NLK: variants seen among roughly 807,000 people sequenced by gnomAD.
NLK encodes the protein serine/threonine-protein kinase NLK.
A neutral mutation model predicts 59.0 loss-of-function variants in NLK; 11 were observed. The ratio of observed to expected loss-of-function variants is 0.19; its 90% CI spans 0.12 to 0.31. The LOEUF (loss-of-function observed/expected upper bound fraction) is 0.31, where lower values mean the gene tolerates loss of function less well. NLK is among the 10% of genes least tolerant of loss of function. The pLI is 1.00. For missense variants in NLK, 410 were observed against 661.1 expected, an observed-to-expected ratio of 0.62 and a Z score of 4.16; for synonymous variants, 235 against 235.9, an observed-to-expected ratio of 1.00 and a Z score of 0.03.
intron 1 of NLK, among the ~76,000 whole-genome samples, chr17:28,056,541 G>T (rs1909451964): frequency 1.3e-5 from 2 of 152,190 alleles, no homozygotes; most frequent in African/African-American, 4.8e-5. Context: ...CCAGGAACGT[G>T]CATCTGAGAA....
chr17:28,191,485 A>C (rs1909305477), intron 9 of NLK, among the ~76,000 whole-genome samples: 1 of 152,186 alleles, frequency 6.6e-6, no homozygotes, highest in Non-Finnish European at 1.5e-5. Flanking sequence ...ATATGTATTC[A>C]CTCAGTGTCA....
At chr17:28,083,234 T>C (rs905265549) in intron 1 of NLK, among the ~76,000 whole-genome samples, 2 of 152,212 alleles carry the variant, frequency 1.3e-5, no homozygotes, top group Non-Finnish European at 2.9e-5. Context: ...CTTTTGTATC[T>C]GTGACAGTGC....
chr17:28,111,247 C>T (rs538289451), intron 1 of NLK, among the ~76,000 whole-genome samples: 16 of 152,022 alleles, frequency 1.1e-4, no homozygotes, highest in African/African-American at 1.9e-4. Flanking sequence ...AGTGCAGTGG[C>T]GCAATCTCAG....
chr17:28,119,015 T>C (rs1905904345), intron 1 of NLK, among the ~76,000 whole-genome samples: 1 of 152,206 alleles, frequency 6.6e-6, no homozygotes, highest in African/African-American at 2.4e-5. Context: ...CTCCTTTTTT[T>C]CTGAAATGAA....
At chr17:28,117,615 T>C (rs1373920790) in intron 1 of NLK, among the ~76,000 whole-genome samples, 1 of 152,206 alleles carries the variant, frequency 6.6e-6, no homozygotes, top group Non-Finnish European at 1.5e-5. Context: ...TAGGAGGATA[T>C]GAAGAAAAGA....
At chr17:28,117,729 G>A (rs1221835082) in intron 1 of NLK, among the ~76,000 whole-genome samples, 1 of 152,098 alleles carries the variant, frequency 6.6e-6, no homozygotes, top group South Asian at 2.1e-4. Context: ...TGACAAAATG[G>A]AAAAGGATCT....
intron 7 of NLK, among the ~76,000 whole-genome samples, chr17:28,177,652 T>C (rs1347210694): frequency 6.6e-6 from 1 of 152,232 alleles, no homozygotes; most frequent in Non-Finnish European, 1.5e-5. Context: ...TCTATTACCA[T>C]AACAATCCTT....
At chr17:28,153,111 T>TA (rs1038687682) in intron 3 of NLK, among the ~76,000 whole-genome samples, 53 of 151,944 alleles carry the variant, frequency 3.5e-4, no homozygotes, top group Admixed American at 2.7e-3. Context: ...CTATCTCTAC[T>TA]AAAAATAGAA....
chr17:28,063,817 CTGAACGAAA>C (rs1909743708), intron 1 of NLK, among the ~76,000 whole-genome samples: 1 of 152,182 alleles, frequency 6.6e-6, no homozygotes, highest in South Asian at 2.1e-4. Context: ...AATAATTAAA[CTGAACGAAA>C]TGAGACAAGA....
chr17:28,162,906 G>A (rs915342901), intron 4 of NLK, among the ~76,000 whole-genome samples: 4 of 150,258 alleles, frequency 2.7e-5, no homozygotes, highest in Non-Finnish European at 4.4e-5. Flanking sequence ...GTTACAGAGC[G>A]AGACCCTGTC....
At chr17:28,108,848 T>C (rs1905323813) in intron 1 of NLK, among the ~76,000 whole-genome samples, 1 of 152,122 alleles carries the variant, frequency 6.6e-6, no homozygotes, top group South Asian at 2.1e-4. Flanking sequence ...CTATTCCCCA[T>C]CCCAGACATA....
At chr17:28,116,537 ATTAGC>A (rs1905782621) in intron 1 of NLK, 1 of 152,242 alleles carries the variant, frequency 6.6e-6, no homozygotes, top group Admixed American at 6.5e-5. Flanking sequence ...TTATTAAAAT[ATTAGC>A]TTAGCCATTA....
Position 28,042,808 on chromosome 17 carries a change from C to A in NLK, c.-66C>A. ...TGAGGTGGAGTGAGTGGTTTTTCTT[C>A]ATTTTTAAATGGCCAAATGACAGCT... On this transcript the variant is annotated 5_prime_UTR_variant, in exon 1 of 11. Transcript: ENST00000407008. 7.2e-6 allele frequency: 10 copies of A among 1,394,248 alleles called. No homozygotes were observed. The highest frequency in any genetic ancestry group is 1.9e-6 in the Non-Finnish European group (2 of 1,052,460). The allele number at this position is 1,394,248 out of a possible 1,614,324, so 86.4% of individuals were successfully genotyped here.
intron 3 of NLK, among the ~76,000 whole-genome samples, chr17:28,136,219 A>G (rs1906739372): frequency 6.6e-6 from 1 of 152,230 alleles, no homozygotes; most frequent in Non-Finnish European, 1.5e-5. Context: ...AAAAATTGAC[A>G]CATTACTCTC....
rs1019134687 is a variant in NLK, at chr17:28,195,167, G to A, written c.*531G>A. On this transcript the variant is annotated 3_prime_UTR_variant, in exon 11 of 11. Transcript: ENST00000407008. Reference sequence around the variant, plus strand: ...GCACCTGGGGGGAGGGTAGGGAGGAGGGGCATGCCACCTAATGATCAAGCC... The same window carrying A: ...GCACCTGGGGGGAGGGTAGGGAGGAAGGGCATGCCACCTAATGATCAAGCC... The A allele has an allele frequency of 1.3e-5, 2 of 152,222 alleles. No individual in the cohort carries two copies. Among genetic ancestry groups the A allele is most frequent in the African/African-American group, 4.8e-5 (2 of 41,352 alleles). The allele number at this position is 152,222 out of a possible 1,614,324, so 9.4% of individuals were successfully genotyped here.
intron 1 of NLK, among the ~76,000 whole-genome samples, chr17:28,062,927 C>T (rs1194162817): frequency 1.3e-5 from 2 of 152,028 alleles, no homozygotes; most frequent in East Asian, 1.9e-4. Context: ...GACAGATTGA[C>T]GATATTTTTA....
At chr17:28,193,840 GT>G (rs1909395148) in intron 10 of NLK, among the ~76,000 whole-genome samples, 1 of 152,198 alleles carries the variant, frequency 6.6e-6, no homozygotes, top group Non-Finnish European at 1.5e-5. Flanking sequence ...CTTATCTGTG[GT>G]TTTAAATTAC....
intron 3 of NLK, among the ~76,000 whole-genome samples, chr17:28,156,716 T>C (rs978369125): frequency 2.0e-5 from 3 of 152,226 alleles, no homozygotes; most frequent in African/African-American, 7.2e-5. Context: ...AGCTAGATGA[T>C]TGATTACATT....
chr17:28,172,626 GA>G lies in NLK; in HGVS notation c.1149+9del. 6.7e-7 allele frequency: 1 copy of G among 1,489,040 alleles called. No individual in the cohort carries two copies. The allele number at this position is 1,489,040 out of a possible 1,614,324, so 92.2% of individuals were successfully genotyped here. On this transcript the variant is annotated intron_variant, in intron 7 of 10. Transcript: ENST00000407008. Reference sequence around the variant, plus strand: ...AGGGGTCCTCATAAACAGGTGAGAGGAGGGGGGAATCTTTTTCTGGTAACCA... The same window carrying G: ...AGGGGTCCTCATAAACAGGTGAGAGGGGGGGGAATCTTTTTCTGGTAACCA...
Sources: gnomAD v4.1 joint callset for allele counts (sites outside exome capture counted in the v4.1 genomes callset) on GRCh38, gnomAD v4.1.1 for gene constraint, MANE v1.5 for transcripts, NCBI Gene and HGNC (gene_info 2026-07-23, HGNC 2026-07-21) for gene names.